CADM2: variants seen among roughly 807,000 people sequenced by gnomAD.
CADM2 encodes cell adhesion molecule 2.
A neutral mutation model predicts 49.8 loss-of-function variants in CADM2; 12 were observed. The observed-to-expected ratio is 0.24, with a 90% CI of 0.15 to 0.39. The LOEUF is 0.39. Ranked by LOEUF, CADM2 falls within the 10% of genes least tolerant of loss-of-function variation. The probability of loss-of-function intolerance (pLI) is 1.00; values close to 1 mark genes in which losing one functional copy is unlikely to be tolerated. For synonymous variants in CADM2, 214 were observed against 175.4 expected, an observed-to-expected ratio of 1.22 and a Z score of -1.74; for missense variants, 378 against 492.3, an observed-to-expected ratio of 0.77 and a Z score of 2.20.
intron 1 of CADM2, among the ~76,000 whole-genome samples, chr3:85,472,833 T>C (rs2038824923): frequency 6.6e-6 from 1 of 152,016 alleles, no homozygotes; most frequent in African/African-American, 2.4e-5. Context: ...AGACATTAAG[T>C]AATTGACAAT....
At chr3:85,616,645 A>C (rs1489161844) in intron 1 of CADM2, among the ~76,000 whole-genome samples, 1 of 152,160 alleles carries the variant, frequency 6.6e-6, no homozygotes, top group Non-Finnish European at 1.5e-5. Flanking sequence ...CCCACTGAAC[A>C]ACACTGTCTC....
chr3:85,545,637 G>A (rs1306768438), intron 1 of CADM2, among the ~76,000 whole-genome samples: 1 of 152,112 alleles, frequency 6.6e-6, no homozygotes, highest in Admixed American at 6.5e-5. Context: ...GAAACTATGA[G>A]GTCTTTTTTC....
rs943584763 is a variant in CADM2 at position 85,405,472 on chromosome 3, A to G, written c.62-321050A>G. On this transcript the variant is annotated intron_variant, in intron 1 of 9. Coordinates refer to ENST00000383699, the MANE Select transcript of CADM2 (RefSeq NM_001167675.2). The stretch of plus-strand genomic sequence containing the variant: ...AGTGGCGGAAAAACAACTTGAACTC[A>G]TTAGTCAAGCCAAACCCTAAGCTCT... 8.5e-5 allele frequency among the ~76,000 whole-genome samples: 13 copies of G among 152,170 alleles called. 1 individual carries two copies. The highest frequency in any genetic ancestry group is 4.6e-4 in the Admixed American group (7 of 15,270).
At chr3:85,940,926 C>A (rs186495523) in intron 7 of CADM2, among the ~76,000 whole-genome samples, 1 of 151,888 alleles carries the variant, frequency 6.6e-6, no homozygotes, top group East Asian at 1.9e-4. Context: ...CCTATACCCC[C>A]GTCCTCACCC....
chr3:85,227,414 A>G (rs2042186079), intron 1 of CADM2, among the ~76,000 whole-genome samples: 1 of 148,328 alleles, frequency 6.7e-6, no homozygotes, highest in Non-Finnish European at 1.5e-5. Flanking sequence ...TTCTTGGTTT[A>G]AAGTCTGCCT....
rs201997139 is a variant in CADM2, at chr3:86,054,152, T to TA, written c.971-11445dup. Among the ~76,000 whole-genome samples the TA allele has an allele frequency of 3.1e-3, 475 of 151,868 alleles. 3 individuals are homozygous for TA. The highest frequency in any genetic ancestry group is 0.01 in the African/African-American group (418 of 41,452). ...TATTTAAGCTTAATATTTTAATATT[T>TA]AAAAAAAAGCATAAGTCTTTTCTAC... On this transcript the variant is annotated intron_variant, in intron 8 of 9. Transcript: ENST00000383699.
rs569267405 is a variant in CADM2 at position 85,124,410 on chromosome 3, C to T, written c.61+164742C>T. Among the ~76,000 whole-genome samples, 233 of 151,998 alleles carry T rather than the reference C, an allele frequency of 1.5e-3. 3 individuals are homozygous for T. The Middle Eastern group carries it at 0.027, about 18-fold the overall frequency. On this transcript the variant is annotated intron_variant, in intron 1 of 9. Transcript: ENST00000383699. ...CTTGAGGACAGAAGTTCAAGATCAG[C>T]GAGACAACATAGTGAGACTCCATCT... is the stretch of plus-strand genomic sequence containing the variant.
intron 6 of CADM2, among the ~76,000 whole-genome samples, chr3:85,917,645 A>G (rs1205750223): frequency 6.6e-6 from 1 of 152,140 alleles, no homozygotes. Flanking sequence ...TGATTTGGCA[A>G]TGCAGGTTAT....
At chr3:85,846,203 C>A (rs1695656127) in intron 3 of CADM2, among the ~76,000 whole-genome samples, 1 of 152,114 alleles carries the variant, frequency 6.6e-6, no homozygotes, top group African/African-American at 2.4e-5. Context: ...GAGATTATTG[C>A]ATTTTTAGTA....
chr3:85,030,586 T>G (rs1039052638), intron 1 of CADM2, among the ~76,000 whole-genome samples: 1 of 152,218 alleles, frequency 6.6e-6, no homozygotes, highest in South Asian at 2.1e-4. Context: ...TGCCATCTAC[T>G]TAACTGAACT....
intron 2 of CADM2, among the ~76,000 whole-genome samples, chr3:85,766,559 G>GA (rs1237336873): frequency 6.6e-6 from 1 of 152,186 alleles, no homozygotes; most frequent in East Asian, 1.9e-4. Context: ...TGCACATTTG[G>GA]AGCAACCAAG....
intron 1 of CADM2, among the ~76,000 whole-genome samples, chr3:85,233,714 A>G (rs534399412): frequency 2.8e-3 from 429 of 152,244 alleles, no homozygotes; most frequent in South Asian, 9.3e-3. Context: ...TTTTGTTTAT[A>G]ATGGTTTAAA....
At chr3:85,535,328 A>T (rs62252512) in intron 1 of CADM2, among the ~76,000 whole-genome samples, 77,892 of 151,994 alleles carry the variant, frequency 0.51, 23,045 homozygotes, top group East Asian at 0.85. Context: ...ATATGAATAC[A>T]GAATATGTTG....
At chr3:85,916,719 T>C (rs1462895504) in intron 6 of CADM2, among the ~76,000 whole-genome samples, 1 of 151,952 alleles carries the variant, frequency 6.6e-6, no homozygotes, top group Non-Finnish European at 1.5e-5. Flanking sequence ...ATGGTATTTC[T>C]AGTTCTAGAT....
chr3:85,598,056 T>C (rs975908483), intron 1 of CADM2, among the ~76,000 whole-genome samples: 1 of 152,200 alleles, frequency 6.6e-6, no homozygotes, highest in Admixed American at 6.6e-5. Flanking sequence ...AATCTAGCCA[T>C]GTTGGTCTTT....
At chr3:85,062,989 G>C in intron 1 of CADM2, among the ~76,000 whole-genome samples, 1 of 151,856 alleles carries the variant, frequency 6.6e-6, no homozygotes, top group East Asian at 1.9e-4. Context: ...TTAAAAAAGT[G>C]GAAGTTGAAT....
At chr3:84,980,579 T>C (rs952249726) in intron 1 of CADM2, among the ~76,000 whole-genome samples, 10 of 152,170 alleles carry the variant, frequency 6.6e-5, no homozygotes, top group Non-Finnish European at 8.8e-5. Context: ...GCTACCGTTT[T>C]ATGTTGTACT....
intron 1 of CADM2, among the ~76,000 whole-genome samples, chr3:85,330,374 G>A (rs547961109): frequency 3.3e-5 from 5 of 151,972 alleles, no homozygotes; most frequent in African/African-American, 4.8e-5. Flanking sequence ...GTATGTTTCC[G>A]TTGTGAAATC....
intron 2 of CADM2, among the ~76,000 whole-genome samples, chr3:85,735,934 G>T (rs1165938556): frequency 2.0e-5 from 3 of 152,060 alleles, no homozygotes; most frequent in Non-Finnish European, 2.9e-5. Flanking sequence ...AAATTTAGAA[G>T]AAAGTTCTAC....
Sources: allele counts gnomAD v4.1 joint callset (sites outside exome capture counted in the v4.1 genomes callset), GRCh38; gene constraint gnomAD v4.1.1; transcripts MANE v1.5; gene names NCBI Gene and HGNC (gene_info 2026-07-23, HGNC 2026-07-21).